ZFPM2: variants seen among roughly 807,000 people sequenced by gnomAD.
ZFPM2 encodes the protein zinc finger protein ZFPM2.
ZFPM2 carries 20 observed loss-of-function variants against 98.6 expected under a neutral mutation model. The observed-to-expected ratio is 0.20, with a 90% CI of 0.14 to 0.29. The LOEUF (loss-of-function observed/expected upper bound fraction) is 0.29. Ranked by LOEUF, ZFPM2 falls within the 10% of genes least tolerant of loss-of-function variation. ZFPM2 has a pLI of 1.00. For missense variants in ZFPM2, 1,310 were observed against 1,388.6 expected (o/e 0.94, Z 0.90); for synonymous variants, 518 against 502.7 (o/e 1.03, Z -0.41).
intron 5 of ZFPM2, among the ~76,000 whole-genome samples, chr8:105,710,784 A>G (rs1229444094): frequency 1.3e-5 from 2 of 151,922 alleles, no homozygotes; most frequent in East Asian, 3.9e-4. Context: ...TCCATATACT[A>G]GAGGGATGAC....
intron 3 of ZFPM2, among the ~76,000 whole-genome samples, chr8:105,545,043 T>A (rs968574491): frequency 2.1e-4 from 32 of 152,312 alleles, no homozygotes; most frequent in African/African-American, 7.0e-4. Context: ...AGGTTTAACA[T>A]CCTTGGTTTA....
At chr8:105,675,453 C>T (rs1449714491) in intron 5 of ZFPM2, among the ~76,000 whole-genome samples, 2 of 152,138 alleles carry the variant, frequency 1.3e-5, no homozygotes, top group Admixed American at 1.3e-4. Flanking sequence ...CACTCCTGAG[C>T]AAAGAAGAGT....
At chr8:105,362,025 C>G (rs747815790) in intron 1 of ZFPM2, among the ~76,000 whole-genome samples, 16 of 152,046 alleles carry the variant, frequency 1.1e-4, no homozygotes, top group African/African-American at 3.9e-4. Context: ...TTTCTTAGAA[C>G]GCATCTCTGT....
At chr8:105,761,903 C>T (rs1221434676) in intron 5 of ZFPM2, among the ~76,000 whole-genome samples, 6 of 151,844 alleles carry the variant, frequency 4.0e-5, no homozygotes, top group African/African-American at 9.7e-5. Context: ...GACTGAAGCA[C>T]ATAAATACAA....
chr8:105,607,755 T>C (rs1816224439), intron 4 of ZFPM2, among the ~76,000 whole-genome samples: 1 of 152,100 alleles, frequency 6.6e-6, no homozygotes, highest in Admixed American at 6.6e-5. Context: ...TGTAACCAGT[T>C]CCGCTACTTT....
chr8:105,349,025 G>T (rs1812592844), intron 1 of ZFPM2, among the ~76,000 whole-genome samples: 1 of 152,076 alleles, frequency 6.6e-6, no homozygotes, highest in Admixed American at 6.6e-5. Flanking sequence ...CAGTTCCAAA[G>T]AACTGTTGTG....
intron 3 of ZFPM2, among the ~76,000 whole-genome samples, chr8:105,484,633 C>T (rs1813192920): frequency 6.6e-6 from 1 of 152,208 alleles, no homozygotes; most frequent in Non-Finnish European, 1.5e-5. Context: ...AATAGTGCCA[C>T]ACTGCCTGAC....
intron 5 of ZFPM2, among the ~76,000 whole-genome samples, chr8:105,658,692 A>G (rs1817335580): frequency 6.6e-6 from 1 of 151,792 alleles, no homozygotes; most frequent in African/African-American, 2.4e-5. Context: ...AACCAAAGTG[A>G]TCCAAAGATG....
intron 5 of ZFPM2, among the ~76,000 whole-genome samples, chr8:105,753,403 A>T (rs1330052668): frequency 6.6e-6 from 1 of 152,102 alleles, no homozygotes; most frequent in Non-Finnish European, 1.5e-5. Context: ...TTCAACCAGA[A>T]ATGTGATAAT....
At chr8:105,648,676 T>A (rs1817104438) in intron 5 of ZFPM2, among the ~76,000 whole-genome samples, 1 of 152,182 alleles carries the variant, frequency 6.6e-6, no homozygotes, top group South Asian at 2.1e-4. Flanking sequence ...TTGTCAAAGA[T>A]CAGATGGTTG....
intron 1 of ZFPM2, among the ~76,000 whole-genome samples, chr8:105,386,737 C>G (rs1382850940): frequency 6.6e-6 from 1 of 152,130 alleles, no homozygotes; most frequent in Non-Finnish European, 1.5e-5. Context: ...TATCGGGCCC[C>G]ACCCACATCC....
At chr8:105,690,956 C>G (rs906652201) in intron 5 of ZFPM2, 2 of 152,080 alleles carry the variant, frequency 1.3e-5, no homozygotes, top group African/African-American at 4.8e-5. Flanking sequence ...TTTTATTAAT[C>G]TTTTGCCTAA....
intron 1 of ZFPM2, among the ~76,000 whole-genome samples, chr8:105,375,594 A>T (rs1030253635): frequency 6.6e-6 from 1 of 152,166 alleles, no homozygotes; most frequent in Non-Finnish European, 1.5e-5. Flanking sequence ...AACCAAGCAG[A>T]TTAGAACTCC....
At position 105,546,581 on chromosome 8, in the gene ZFPM2, A is replaced by AAC. The variant is rs1554615902; in HGVS notation, c.302-14781_302-14780insCA. Reference sequence around the variant, plus strand: ...AAAGCTCAGTCTCAAAAAAAAAAAAAAAACAAACCCAAAAACCACTAAGAT... The same window carrying AAC: ...AAAGCTCAGTCTCAAAAAAAAAAAAAACAAACAAACCCAAAAACCACTAAGAT... On this transcript the variant is annotated intron_variant, in intron 3 of 7. Transcript: ENST00000407775. 3.2e-3 allele frequency among the ~76,000 whole-genome samples: 475 copies of AAC among 150,116 alleles called. 1 individual carries two copies. Among genetic ancestry groups the AAC allele is most frequent in the African/African-American group, 0.011 (441 of 39,926 alleles).
chr8:105,793,700 C>G (rs1033155938), intron 6 of ZFPM2, among the ~76,000 whole-genome samples: 3 of 152,274 alleles, frequency 2.0e-5, no homozygotes, highest in African/African-American at 7.2e-5. Context: ...TGGTTCCATT[C>G]TCCCCATCAC....
intron 6 of ZFPM2, among the ~76,000 whole-genome samples, chr8:105,789,843 G>T (rs1272524053): frequency 2.0e-5 from 3 of 151,336 alleles, no homozygotes; most frequent in African/African-American, 7.3e-5. Context: ...CAGTGATGGT[G>T]AGCATTTTTT....
chr8:105,533,108 CAAACA>C (rs1814330680), intron 3 of ZFPM2, among the ~76,000 whole-genome samples: 1 of 151,988 alleles, frequency 6.6e-6, no homozygotes, highest in Non-Finnish European at 1.5e-5. Flanking sequence ...TTACATAACA[CAAACA>C]AAACCATGAA....
At chr8:105,687,317 G>C in intron 5 of ZFPM2, among the ~76,000 whole-genome samples, 1 of 152,134 alleles carries the variant, frequency 6.6e-6, no homozygotes, top group East Asian at 1.9e-4. Flanking sequence ...GTTAGCTTAT[G>C]AGAACTATTA....
intron 7 of ZFPM2, 77 bp from the exon 8 acceptor site, chr8:105,800,970 G>A: frequency 7.5e-7 from 1 of 1,339,622 alleles, no homozygotes; most frequent in Non-Finnish European, 1.0e-6. Flanking sequence ...CAAACATTAG[G>A]TCATTAGAAA....
Sources: gnomAD v4.1 joint callset for allele counts (sites outside exome capture counted in the v4.1 genomes callset) on GRCh38, gnomAD v4.1.1 for gene constraint, MANE v1.5 for transcripts, NCBI Gene and HGNC (gene_info 2026-07-23, HGNC 2026-07-21) for gene names.